Variants in PALM2AKAP2 observed in about 807,000 individuals in gnomAD.
PALM2AKAP2 encodes PALM2 and AKAP2 fusion.
A neutral mutation model predicts 71.5 loss-of-function variants in PALM2AKAP2; 37 were observed. That is an observed-to-expected ratio of 0.52 (90% CI 0.40 to 0.68). PALM2AKAP2 has a LOEUF of 0.68. Ranked by LOEUF, PALM2AKAP2 falls within the 30% of genes least tolerant of loss-of-function variation. PALM2AKAP2 has a pLI of 0.00. For synonymous variants in PALM2AKAP2, 468 were observed against 478.8 expected (o/e 0.98, Z 0.29); for missense variants, 1,224 against 1,191.8 (o/e 1.03, Z -0.40).
At chr9:110,018,829 A>G (rs1257192840) in intron 7 of PALM2AKAP2, among the ~76,000 whole-genome samples, 1 of 152,156 alleles carries the variant, frequency 6.6e-6, no homozygotes, top group Non-Finnish European at 1.5e-5. Flanking sequence ...TTTGGGTATA[A>G]GTTGTTTCCC....
At chr9:110,051,770 G>C (rs1833715088) in intron 1 of PALM2AKAP2, among the ~76,000 whole-genome samples, 1 of 152,108 alleles carries the variant, frequency 6.6e-6, no homozygotes, top group Non-Finnish European at 1.5e-5. Context: ...ATTGTTTTTT[G>C]ATCTTAAGAA....
intron 2 of PALM2AKAP2, among the ~76,000 whole-genome samples, chr9:110,155,077 C>T (rs1048902247): frequency 6.6e-5 from 10 of 152,204 alleles, no homozygotes; most frequent in Non-Finnish European, 1.5e-4. Context: ...TATCTCTCAT[C>T]AGAAGGAGGT....
intron 1 of PALM2AKAP2, among the ~76,000 whole-genome samples, chr9:110,135,905 A>G (rs896772191): frequency 6.6e-6 from 1 of 152,210 alleles, no homozygotes; most frequent in African/African-American, 2.4e-5. Flanking sequence ...TAAAAATGGC[A>G]CTAGCATGTA....
chr9:109,642,646 C>T (rs75630874), intron 1 of PALM2AKAP2, among the ~76,000 whole-genome samples: 1 of 151,556 alleles, frequency 6.6e-6, no homozygotes, highest in East Asian at 2.0e-4. Context: ...CAGTATTGAC[C>T]TCCTGGGCTC....
intron 1 of PALM2AKAP2, among the ~76,000 whole-genome samples, chr9:109,730,472 C>T (rs1371473666): frequency 6.6e-6 from 1 of 152,164 alleles, no homozygotes; most frequent in Non-Finnish European, 1.5e-5. Flanking sequence ...TAGAATGTTG[C>T]CTGAGGCTGC....
chr9:109,691,929 T>TATATATATACAC (rs1235237794), intron 1 of PALM2AKAP2, among the ~76,000 whole-genome samples: 2 of 117,744 alleles, frequency 1.7e-5, no homozygotes, highest in African/African-American at 7.5e-5. Context: ...TATATACACA[T>TATATATATACAC]ATATATATAT....
At chr9:109,968,737 G>T (rs374588738) in intron 6 of PALM2AKAP2, among the ~76,000 whole-genome samples, 2 of 152,012 alleles carry the variant, frequency 1.3e-5, no homozygotes, top group Non-Finnish European at 2.9e-5. Flanking sequence ...GTCCAGCCGC[G>T]ATTTTCAGCG....
chr9:109,746,635 A>T (rs377633070), intron 1 of PALM2AKAP2, among the ~76,000 whole-genome samples: 4 of 152,188 alleles, frequency 2.6e-5, no homozygotes, highest in Admixed American at 1.3e-4. Flanking sequence ...AGAGACACCA[A>T]TGATATCCCC....
chr9:109,775,741 A>T (rs1261835413), upstream of PALM2AKAP2, among the ~76,000 whole-genome samples: 3 of 152,212 alleles, frequency 2.0e-5, no homozygotes, highest in Non-Finnish European at 2.9e-5. Context: ...TTTTACTCAC[A>T]CAACGGGCCT....
chr9:110,004,030 T>A (rs1213274842), intron 6 of PALM2AKAP2, among the ~76,000 whole-genome samples: 2 of 152,210 alleles, frequency 1.3e-5, no homozygotes, highest in Non-Finnish European at 2.9e-5. Flanking sequence ...CCCATTTACA[T>A]TTAAGGTTAA....
intron 1 of PALM2AKAP2, among the ~76,000 whole-genome samples, chr9:109,648,386 GT>G (rs1827181507): frequency 6.6e-6 from 1 of 152,122 alleles, no homozygotes. Flanking sequence ...TTCTTTTTGA[GT>G]GCCCTTTTCA....
At chr9:110,062,169 C>A (rs1431291549) in intron 1 of PALM2AKAP2, among the ~76,000 whole-genome samples, 1 of 152,142 alleles carries the variant, frequency 6.6e-6, no homozygotes, top group Non-Finnish European at 1.5e-5. Context: ...TGCCATGGTG[C>A]TTTGCTGCAC....
intron 6 of PALM2AKAP2, among the ~76,000 whole-genome samples, chr9:109,982,931 T>A (rs1832303083): frequency 6.6e-6 from 1 of 152,198 alleles, no homozygotes. Flanking sequence ...GTCTTTAGTC[T>A]GGTTTTTGAC....
At chr9:109,651,292 G>A (rs1020350657) in intron 1 of PALM2AKAP2, among the ~76,000 whole-genome samples, 3 of 152,126 alleles carry the variant, frequency 2.0e-5, no homozygotes, top group Admixed American at 6.6e-5. Flanking sequence ...TCTTCTGAAG[G>A]CCACAGCAGC....
intron 6 of PALM2AKAP2, among the ~76,000 whole-genome samples, chr9:109,935,217 G>T (rs917949453): frequency 2.0e-5 from 3 of 152,128 alleles, no homozygotes; most frequent in Non-Finnish European, 2.9e-5. Flanking sequence ...CATGATTATG[G>T]TATCCTCATA....
chr9:109,810,943 C>T (rs771677433), intron 1 of PALM2AKAP2, among the ~76,000 whole-genome samples: 1 of 152,104 alleles, frequency 6.6e-6, no homozygotes, highest in African/African-American at 2.4e-5. Context: ...CTTCTGACTG[C>T]TTCCGTTTTC....
chr9:109,981,087 G>A (rs1377161122), intron 6 of PALM2AKAP2, among the ~76,000 whole-genome samples: 1 of 152,138 alleles, frequency 6.6e-6, no homozygotes, highest in African/African-American at 2.4e-5. Context: ...TGGAGTAGGT[G>A]CTTAATAAAT....
chr9:109,943,276 G>T, intron 6 of PALM2AKAP2: 1 of 1,614,224 alleles, frequency 6.2e-7, no homozygotes, highest in Non-Finnish European at 8.5e-7. Flanking sequence ...GTCCACTATT[G>T]ACGGGAACGC....
chr9:109,762,670 C>T (rs1384561174), intron 1 of PALM2AKAP2, among the ~76,000 whole-genome samples: 1 of 151,582 alleles, frequency 6.6e-6, no homozygotes, highest in East Asian at 1.9e-4. Flanking sequence ...AGGAAAAAAA[C>T]CCTAAGTTAT....
Sources: gnomAD v4.1 joint callset for allele counts (sites outside exome capture counted in the v4.1 genomes callset) on GRCh38, gnomAD v4.1.1 for gene constraint, MANE v1.5 for transcripts, NCBI Gene and HGNC (gene_info 2026-07-23, HGNC 2026-07-21) for gene names.